Variants in TMTC1 observed in about 807,000 individuals in gnomAD.
The protein encoded by TMTC1 is transmembrane O-mannosyltransferase targeting cadherins 1.
A neutral mutation model predicts 104.8 loss-of-function variants in TMTC1; 73 were observed. The observed-to-expected ratio is 0.70, with a 90% CI of 0.58 to 0.85. The LOEUF (loss-of-function observed/expected upper bound fraction) is 0.85. Ranked by LOEUF, TMTC1 falls within the 40% of genes least tolerant of loss-of-function variation. The pLI is 0.00. For synonymous variants in TMTC1, 434 were observed against 428.7 expected, an observed-to-expected ratio of 1.01 and a Z score of -0.15; for missense variants, 1,035 against 1,096.1, an observed-to-expected ratio of 0.94 and a Z score of 0.79.
intron 10 of TMTC1, among the ~76,000 whole-genome samples, chr12:29,549,362 AC>A (rs1339393096): frequency 6.6e-6 from 1 of 152,136 alleles, no homozygotes; most frequent in Non-Finnish European, 1.5e-5. Flanking sequence ...TAAAATCAGA[AC>A]AGTGATTGCC....
chr12:29,618,328 T>A lies in TMTC1; in HGVS notation c.1129-14029A>T, dbSNP rs114410562. Among the ~76,000 whole-genome samples the A allele has an allele frequency of 8.6e-3, 1,315 of 152,328 alleles. 16 individuals are homozygous for A. Among genetic ancestry groups the A allele is most frequent in the African/African-American group, 0.03 (1,257 of 41,582 alleles). ...ATACTACAGTGTGGAGATGCATGTATATAGATGACACTTTCCTTCTTGAAC... is the reference window on the plus strand; with the variant it reads ...ATACTACAGTGTGGAGATGCATGTAAATAGATGACACTTTCCTTCTTGAAC... On this transcript the variant is annotated intron_variant, in intron 6 of 17. Transcript: ENST00000539277.
At chr12:29,650,634 C>A (rs910254351) in intron 5 of TMTC1, among the ~76,000 whole-genome samples, 2 of 152,136 alleles carry the variant, frequency 1.3e-5, no homozygotes, top group Admixed American at 1.3e-4. Flanking sequence ...GTATAAATAA[C>A]TAAGTGTACA....
At chr12:29,575,270 C>T (rs1945791086) in intron 8 of TMTC1, among the ~76,000 whole-genome samples, 1 of 152,064 alleles carries the variant, frequency 6.6e-6, no homozygotes, top group Non-Finnish European at 1.5e-5. Context: ...TTAAATGAGA[C>T]AGGCAGACAA....
intron 5 of TMTC1, among the ~76,000 whole-genome samples, chr12:29,641,655 G>A (rs1293516126): frequency 3.3e-5 from 5 of 151,864 alleles, no homozygotes; most frequent in South Asian, 2.1e-4. Context: ...CCAGAAAACC[G>A]ACCCTGATAA....
intron 6 of TMTC1, among the ~76,000 whole-genome samples, chr12:29,622,301 A>C (rs184767880): frequency 4.6e-5 from 7 of 152,312 alleles, no homozygotes; most frequent in Admixed American, 3.9e-4. Context: ...ATACCAAATA[A>C]ATTACTCTTA....
intron 5 of TMTC1, among the ~76,000 whole-genome samples, chr12:29,636,259 C>G (rs938880473): frequency 6.6e-6 from 1 of 152,084 alleles, no homozygotes; most frequent in East Asian, 1.9e-4. Context: ...CTTTATGCCA[C>G]TTTCTCTACT....
intron 5 of TMTC1, among the ~76,000 whole-genome samples, chr12:29,676,437 C>A (rs908130978): frequency 1.3e-5 from 2 of 152,146 alleles, no homozygotes; most frequent in African/African-American, 4.8e-5. Flanking sequence ...ACAAAAGAAC[C>A]AAACTGTAAA....
intron 7 of TMTC1, among the ~76,000 whole-genome samples, chr12:29,597,227 TTC>T (rs1468207947): frequency 6.9e-6 from 1 of 144,604 alleles, no homozygotes; most frequent in African/African-American, 2.8e-5. Context: ...TTCTTTTTCT[TTC>T]TTTCTTTTCT....
At chr12:29,511,442 G>A (rs1472779344) in intron 17 of TMTC1, among the ~76,000 whole-genome samples, 1 of 152,126 alleles carries the variant, frequency 6.6e-6, no homozygotes. Flanking sequence ...ATGGATGAAT[G>A]AATAAATGAA....
chr12:29,649,625 C>A (rs1411269550), intron 5 of TMTC1, among the ~76,000 whole-genome samples: 1 of 152,176 alleles, frequency 6.6e-6, no homozygotes, highest in East Asian at 1.9e-4. Context: ...GCAAGTTAAC[C>A]AGATATTTCA....
intron 5 of TMTC1, among the ~76,000 whole-genome samples, chr12:29,714,211 C>T (rs1015194066): frequency 1.3e-5 from 2 of 152,180 alleles, no homozygotes; most frequent in South Asian, 2.1e-4. Context: ...AATCTTTCTA[C>T]CAAAAATGAC....
chr12:29,777,674 T>A (rs1470185242), intron 1 of TMTC1, among the ~76,000 whole-genome samples: 1 of 152,190 alleles, frequency 6.6e-6, no homozygotes, highest in Non-Finnish European at 1.5e-5. Flanking sequence ...GCTTCCAAGA[T>A]AACCTTAGGG....
intron 5 of TMTC1, among the ~76,000 whole-genome samples, chr12:29,710,862 A>C (rs1941892146): frequency 7.3e-6 from 1 of 136,750 alleles, no homozygotes; most frequent in South Asian, 2.1e-4. Flanking sequence ...TAAATATATT[A>C]ATTATATTAT....
intron 1 of TMTC1, among the ~76,000 whole-genome samples, chr12:29,774,876 G>A (rs902950495): frequency 1.3e-5 from 2 of 152,154 alleles, no homozygotes; most frequent in African/African-American, 4.8e-5. Flanking sequence ...CAGTCCAGAG[G>A]GGAGATTGAT....
At chr12:29,675,544 T>A (rs950245018) in intron 5 of TMTC1, among the ~76,000 whole-genome samples, 3 of 148,878 alleles carry the variant, frequency 2.0e-5, no homozygotes, top group Non-Finnish European at 3.0e-5. Context: ...TCTGCAAAAG[T>A]CAAAGAAAAA....
At chr12:29,567,125 A>T (rs1332989168) in intron 9 of TMTC1, among the ~76,000 whole-genome samples, 2 of 152,202 alleles carry the variant, frequency 1.3e-5, no homozygotes, top group Non-Finnish European at 2.9e-5. Context: ...TCCCCATGGG[A>T]TCAGCTGAGG....
intron 1 of TMTC1, among the ~76,000 whole-genome samples, chr12:29,775,879 C>T (rs1943696075): frequency 1.3e-5 from 2 of 152,122 alleles, no homozygotes; most frequent in Non-Finnish European, 1.5e-5. Context: ...GAGTCAACTC[C>T]TCCTTAGCAT....
intron 10 of TMTC1, among the ~76,000 whole-genome samples, chr12:29,552,371 T>C (rs934744749): frequency 7.9e-5 from 12 of 152,224 alleles, no homozygotes; most frequent in African/African-American, 2.9e-4. Flanking sequence ...CTAAAATAAT[T>C]TGAATACATT....
chr12:29,774,434 T>C (rs749714765), intron 1 of TMTC1, among the ~76,000 whole-genome samples: 8 of 152,162 alleles, frequency 5.3e-5, no homozygotes, highest in Non-Finnish European at 7.3e-5. Context: ...GTACATTCTT[T>C]TCCAAAGAAA....
Sources: allele counts gnomAD v4.1 joint callset (sites outside exome capture counted in the v4.1 genomes callset), GRCh38; gene constraint gnomAD v4.1.1; transcripts MANE v1.5; gene names NCBI Gene and HGNC (gene_info 2026-07-23, HGNC 2026-07-21).